The following SLC25A18 variants were observed in gnomAD, a reference collection of about 807,000 sequenced individuals.
SLC25A18 encodes the protein solute carrier family 25 member 18.
SLC25A18 carries 24 observed loss-of-function variants against 31.1 expected under a neutral mutation model. That is an observed-to-expected ratio of 0.77 (90% CI 0.56 to 1.08). SLC25A18 has a LOEUF of 1.08. SLC25A18 is among the 50% of genes least tolerant of loss of function. The probability of loss-of-function intolerance (pLI) is 0.00; values close to 1 mark genes in which losing one functional copy is unlikely to be tolerated. For synonymous variants in SLC25A18, 173 were observed against 161.9 expected (o/e 1.07, Z -0.52); for missense variants, 371 against 418.5 (o/e 0.89, Z 0.99).
chr22:17,580,744 G>A, intron 3 of SLC25A18: 1 of 1,170,898 alleles, frequency 8.5e-7, no homozygotes, highest in Non-Finnish European at 1.1e-6. Flanking sequence ...GGAAGCTTGG[G>A]GCAGAGCGGT....
chr22:17,584,309 C>A (rs1228820816), intron 7 of SLC25A18, among the ~76,000 whole-genome samples: 1 of 151,246 alleles, frequency 6.6e-6, no homozygotes, highest in South Asian at 2.1e-4. Flanking sequence ...AGGAGAATGG[C>A]GTGAACCTGG....
rs2057415588 is a variant in SLC25A18, at chr22:17,582,753, T to G, written c.290+100T>G. The G allele has an allele frequency of 1.5e-5, 16 of 1,036,052 alleles. No homozygotes were observed. The South Asian group carries it at 2.4e-4, about 15-fold the overall frequency. 64.2% of individuals were successfully genotyped at this position (1,036,052 alleles called of 1,614,324 possible). On this transcript the variant is annotated intron_variant, in intron 6 of 10. Transcript: ENST00000327451. ...ATGTGCCTCAGTATACCTGCCTGCA[T>G]GCATATAAATATGTGCACACATGGC...
intron 2 of SLC25A18, among the ~76,000 whole-genome samples, chr22:17,576,475 G>C (rs899799803): frequency 4.2e-4 from 64 of 152,196 alleles, no homozygotes; most frequent in South Asian, 8.3e-4. Flanking sequence ...GCTTAGAACT[G>C]CAAATGGCAT....
chr22:17,582,543 A>G lies in SLC25A18; in HGVS notation c.200-20A>G, dbSNP rs202187270. On this transcript the variant is annotated intron_variant, in intron 5 of 10. Transcript: ENST00000327451. ...ATTTCTGGGATGGCCTTGACTCCCC[A>G]TCTTGTCCTTCACTTCCAGGGGCTG... The G allele has an allele frequency of 5.0e-4, 792 of 1,572,546 alleles. 7 individuals are homozygous for G. Among genetic ancestry groups the G allele is most frequent in the Non-Finnish European group, 3.4e-5 (39 of 1,155,686 alleles).
chr22:17,583,667 G>C, intron 7 of SLC25A18, 133 bp downstream of exon 7: 1 of 1,245,050 alleles, frequency 8.0e-7, no homozygotes, highest in Admixed American at 2.5e-5. Flanking sequence ...TTTTTGGCCA[G>C]GCATGGTGGC....
intron 5 of SLC25A18, chr22:17,582,238 TG>T: frequency 5.6e-6 from 1 of 177,360 alleles, no homozygotes; most frequent in Admixed American, 6.1e-5. Flanking sequence ...TAGCCGGGCG[TG>T]GTGGCGGGCG....
chr22:17,582,553 T>G lies in SLC25A18; in HGVS notation c.200-10T>G. 1 of 1,583,028 alleles carries G rather than the reference T, an allele frequency of 6.3e-7. No individual in the cohort carries two copies. Among genetic ancestry groups the G allele is most frequent in the Non-Finnish European group, 8.6e-7 (1 of 1,162,284 alleles). ...TGGCCTTGACTCCCCATCTTGTCCT[T>G]CACTTCCAGGGGCTGCAGTGAACCT... On this transcript the variant is annotated splice_polypyrimidine_tract_variant and intron_variant, in intron 5 of 10. Transcript: ENST00000327451.
chr22:17,581,549 C>T, intron 5 of SLC25A18, 136 bp downstream of exon 5: 1 of 961,216 alleles, frequency 1.0e-6, no homozygotes, highest in Admixed American at 2.3e-5. Context: ...CCTCTGTGCT[C>T]TTGGGTGGAG....
chr22:17,565,649 C>G (rs1202358109), intron 1 of SLC25A18, among the ~76,000 whole-genome samples: 2 of 151,844 alleles, frequency 1.3e-5, no homozygotes, highest in African/African-American at 4.8e-5. Flanking sequence ...AGGCAGATCA[C>G]CTGAGGTGGG....
chr22:17,579,184 G>T (rs1322374969), intron 2 of SLC25A18, among the ~76,000 whole-genome samples: 1 of 151,898 alleles, frequency 6.6e-6, no homozygotes, highest in Non-Finnish European at 1.5e-5. Flanking sequence ...CTGTCTCCTG[G>T]ATTCAAGCAA....
intron 2 of SLC25A18, among the ~76,000 whole-genome samples, chr22:17,573,706 A>G (rs991765551): frequency 1.3e-5 from 2 of 151,806 alleles, no homozygotes; most frequent in Non-Finnish European, 2.9e-5. Context: ...TTCATTCCTC[A>G]CCTCAGAGCT....
chr22:17,582,307 C>T (rs921390370), intron 5 of SLC25A18: 90 of 280,908 alleles, frequency 3.2e-4, no homozygotes, highest in African/African-American at 1.8e-3. Context: ...ACCCGGGAGG[C>T]GGAGCTTTCA....
chr22:17,583,354 G>T, intron 6 of SLC25A18, 62 bp from the exon 7 acceptor site: 3 of 1,601,008 alleles, frequency 1.9e-6, no homozygotes, highest in Non-Finnish European at 2.6e-6. Flanking sequence ...TCACAAGAGG[G>T]CAGCTGCACC....
chr22:17,583,335 GT>G, intron 6 of SLC25A18, 80 bp from the exon 7 acceptor site: 1 of 1,573,804 alleles, frequency 6.4e-7, no homozygotes. Context: ...TCCAGGGAAA[GT>G]CCCCCTCTCA....
chr22:17,580,084 T>C, intron 3 of SLC25A18, 120 bp downstream of exon 3: 1 of 908,456 alleles, frequency 1.1e-6, no homozygotes, highest in Non-Finnish European at 1.7e-6. Context: ...GCAAGACCCC[T>C]GTCCCCCATA....
At chr22:17,576,862 A>AT (rs1174837297) in intron 2 of SLC25A18, among the ~76,000 whole-genome samples, 1 of 152,118 alleles carries the variant, frequency 6.6e-6, no homozygotes, top group East Asian at 1.9e-4. Context: ...GGTGTCCCTA[A>AT]TTTCTCTGGC....
In SLC25A18 at chr22:17,590,300, A is replaced by AGG; in HGVS notation, c.*68_*69dup. The AGG allele has an allele frequency of 6.2e-7, 1 of 1,603,806 alleles. No homozygotes were observed. ...TCTCTAGCTGTTTCACTTAGCCTAG[A>AGG]GGGGGCAAGGGCAGGTGGGGCCACT... On this transcript the variant is annotated 3_prime_UTR_variant, in exon 11 of 11. Coordinates refer to ENST00000327451, the MANE Select transcript of SLC25A18 (RefSeq NM_031481.3).
chr22:17,575,876 G>T (rs2057217843), intron 2 of SLC25A18, among the ~76,000 whole-genome samples: 1 of 152,170 alleles, frequency 6.6e-6, no homozygotes, highest in African/African-American at 2.4e-5. Context: ...CAATGTCATG[G>T]CCAGATGCTG....
chr22:17,583,893 G>A (rs2057449380), intron 7 of SLC25A18, among the ~76,000 whole-genome samples: 1 of 151,864 alleles, frequency 6.6e-6, no homozygotes, highest in Non-Finnish European at 1.5e-5. Flanking sequence ...GCTGTGAGCT[G>A]AGATTGCACC....
Sources: gnomAD v4.1 joint callset for allele counts (sites outside exome capture counted in the v4.1 genomes callset) on GRCh38, gnomAD v4.1.1 for gene constraint, MANE v1.5 for transcripts, NCBI Gene and HGNC (gene_info 2026-07-23, HGNC 2026-07-21) for gene names.